Variants in SPDYE5 observed in about 807,000 individuals in gnomAD.
SPDYE5 encodes speedy/RINGO cell cycle regulator family member E5.
SPDYE5 carries 15 observed loss-of-function variants against 48.5 expected under a neutral mutation model. That is an observed-to-expected ratio of 0.31 (90% CI 0.21 to 0.48). SPDYE5 has a LOEUF of 0.48. Among genes scored for constraint, SPDYE5 ranks in the 20% least tolerant of loss-of-function variants. The pLI, the probability that SPDYE5 is intolerant of heterozygous loss-of-function variation, is 0.99. For synonymous variants in SPDYE5, 116 were observed against 200.7 expected (o/e 0.58, Z 3.57); for missense variants, 331 against 549.1 (o/e 0.60, Z 3.97).
intron 2 of SPDYE5, among the ~76,000 whole-genome samples, chr7:75,494,553 C>G (rs1327239601): frequency 1.3e-5 from 2 of 148,578 alleles, no homozygotes; most frequent in African/African-American, 5.0e-5. Context: ...GAAGGGTCAG[C>G]GGTCAGGAAG....
rs782172963 is a variant in SPDYE5 at position 75,501,392 on chromosome 7, C to A, written c.786C>A (p.Asp262Glu). ...LYLANDMEED[D>E]EDSKQNIFHF... is the part of the protein sequence containing the mutation. ...TGGCCAATGACATGGAGGAGGACGA[C>A]GAGGACTCCAAACAAAACATCTTCC... The change falls in exon 7 of 9, where the codon GAC becomes GAA. Residue 262 changes from aspartate to glutamate, a missense_variant. Physicochemically the swap from Asp to Glu is conservative, Grantham distance 45. Coordinates refer to ENST00000625065, the MANE Select transcript of SPDYE5 (RefSeq NM_001306141.4). The A allele has an allele frequency of 5.6e-6, 9 of 1,612,292 alleles. No homozygotes were observed. Among genetic ancestry groups the A allele is most frequent in the Non-Finnish European group, 6.8e-6 (8 of 1,179,966 alleles).
At chr7:75,495,863 A>T (rs1792904951) in intron 3 of SPDYE5, among the ~76,000 whole-genome samples, 1 of 152,020 alleles carries the variant, frequency 6.6e-6, no homozygotes, top group Non-Finnish European at 1.5e-5. Context: ...AATATAGCGA[A>T]ACCTCATTTA....
Position 75,495,479 on chromosome 7 carries a change from G to A in SPDYE5, c.379+105G>A, listed in dbSNP as rs1299454568. 3 of 1,552,322 alleles carry A rather than the reference G, an allele frequency of 1.9e-6. No homozygotes were observed. The East Asian group carries it at 7.2e-5, about 37-fold the overall frequency. On this transcript the variant is annotated intron_variant, in intron 3 of 8. Transcript: ENST00000625065. ...TGGGAAAGATACGCCCCCCGTGGGT[G>A]AGCTCTCCACGCAGGAGGACTCAGA...
chr7:75,492,196 T>C (rs1200853647), upstream of SPDYE5, among the ~76,000 whole-genome samples: 1 of 152,116 alleles, frequency 6.6e-6, no homozygotes, highest in Non-Finnish European at 1.5e-5. Context: ...GATCTTCTAA[T>C]ATTTGAAAGC....
intron 2 of SPDYE5, among the ~76,000 whole-genome samples, chr7:75,494,500 T>G (rs1792851430): frequency 7.4e-6 from 1 of 134,964 alleles, no homozygotes. Context: ...TGAGCTGAGA[T>G]CACGCTACTG....
chr7:75,499,833 G>A (rs1292390540), intron 6 of SPDYE5, among the ~76,000 whole-genome samples: 2 of 73,792 alleles, frequency 2.7e-5, no homozygotes, highest in Middle Eastern at 8.5e-3. Flanking sequence ...ACAAATAAAA[G>A]AATAAAACAA....
chr7:75,503,228 T>C lies in SPDYE5; in HGVS notation c.*441T>C. The C allele has an allele frequency of 3.0e-6, 1 of 337,438 alleles. No homozygotes were observed. The highest frequency in any genetic ancestry group is 1.1e-3 in the Middle Eastern group (1 of 942). 20.9% of individuals were successfully genotyped at this position (337,438 alleles called of 1,614,324 possible). On this transcript the variant is annotated 3_prime_UTR_variant, in exon 9 of 9. Coordinates refer to ENST00000625065, the MANE Select transcript of SPDYE5 (RefSeq NM_001306141.4). ...GGGGCTCAGATTGGCACAGATTTCT[T>C]CTGTGAAATATCAGTGCCACAGATT...
rs1218480762 is a variant in SPDYE5 at position 75,496,673 on chromosome 7, G to A, written c.380-1G>A. ...CACCATGGCCTGGTTTCTTTACTCA[G>A]CCCCTGGGGTAGATCCCAGCCCCCC... On this transcript the variant is annotated splice_acceptor_variant, in intron 3 of 8. Coordinates refer to ENST00000625065, the MANE Select transcript of SPDYE5 (RefSeq NM_001306141.4). LOFTEE classifies it high-confidence loss of function. 1.3e-6 allele frequency: 2 copies of A among 1,596,910 alleles called. No homozygotes were observed. Among genetic ancestry groups the A allele is most frequent in the Admixed American group, 1.7e-5 (1 of 59,958 alleles).
rs3926475 is a variant in SPDYE5, at chr7:75,493,875, G to A, written c.-173G>A. ...CAAACTGGTTGCCAGGTTGGCATGA[G>A]CGATGACATCAGAGATTCCGACCAT... On this transcript the variant is annotated 5_prime_UTR_variant, in exon 2 of 9. Coordinates refer to ENST00000625065, the MANE Select transcript of SPDYE5 (RefSeq NM_001306141.4). The A allele has an allele frequency of 2.6e-4, 377 of 1,443,580 alleles. No individual in the cohort carries two copies. The highest frequency in any genetic ancestry group is 2.7e-4 in the Non-Finnish European group (299 of 1,103,236). The allele number at this position is 1,443,580 out of a possible 1,614,324, so 89.4% of individuals were successfully genotyped here. A position where few individuals can be genotyped will look rare whatever the true frequency, so the allele number is the denominator to read the frequency against.
At position 75,501,434 on chromosome 7, in the gene SPDYE5, G is replaced by A. The variant is rs781855020; in HGVS notation, c.828G>A (p.Lys276=). The A allele has an allele frequency of 1.9e-5, 31 of 1,612,744 alleles. No homozygotes were observed. In the Middle Eastern group the frequency reaches 7.9e-4, roughly 41 times the overall value. The change falls in exon 7 of 9, where the codon AAG becomes AAA. Residue 276 remains lysine (K), a synonymous_variant. Transcript: ENST00000625065. ...KQNIFHFLYG[K]NRSRIPLLRK... ...ACATCTTCCACTTCCTGTATGGGAAGAACCGCTCTCGCATACCCTTGCTCC... is the reference window on the plus strand; with the variant it reads ...ACATCTTCCACTTCCTGTATGGGAAAAACCGCTCTCGCATACCCTTGCTCC...
intron 1 of SPDYE5, among the ~76,000 whole-genome samples, 185 bp downstream of exon 1, chr7:75,492,626 A>C (rs1792776731): frequency 6.6e-6 from 1 of 151,668 alleles, no homozygotes; most frequent in Non-Finnish European, 1.5e-5. Flanking sequence ...TTTAGTAGAG[A>C]TGGGGTTTCA....
chr7:75,498,462 T>C (rs1402234922), intron 5 of SPDYE5, among the ~76,000 whole-genome samples: 1 of 151,460 alleles, frequency 6.6e-6, no homozygotes, highest in Non-Finnish European at 1.5e-5. Context: ...CACAAATTTT[T>C]TTTTTGTGAG....
chr7:75,500,189 C>CCA (rs1331572516), intron 6 of SPDYE5, among the ~76,000 whole-genome samples: 10 of 139,590 alleles, frequency 7.2e-5, no homozygotes, highest in African/African-American at 2.7e-4. Flanking sequence ...AGGCCAGGGT[C>CCA]CACAGTGTCA....
chr7:75,499,498 G>A (rs1793063036), intron 6 of SPDYE5, among the ~76,000 whole-genome samples, 182 bp downstream of exon 6: 1 of 151,872 alleles, frequency 6.6e-6, no homozygotes, highest in African/African-American at 2.4e-5. Flanking sequence ...TGGGCACAGT[G>A]GCATACGCCT....
In SPDYE5 at chr7:75,494,077, G is replaced by A; in HGVS notation, c.30G>A (p.Lys10=). MDRTETRFR[K]RGQITEKITT... ...ACAGAACGGAGACTAGGTTCCGTAAGAGGGGACAGATTACGGAAAAGATCA... is the reference window on the plus strand; with the variant it reads ...ACAGAACGGAGACTAGGTTCCGTAAAAGGGGACAGATTACGGAAAAGATCA... Residue 10 remains lysine (K), a synonymous_variant, in exon 2 of 9, where the codon AAG becomes AAA. Coordinates refer to ENST00000625065, the MANE Select transcript of SPDYE5 (RefSeq NM_001306141.4). 6.5e-7 allele frequency: 1 copy of A among 1,534,372 alleles called. No individual in the cohort carries two copies.
chr7:75,492,962 A>G (rs1554481950), intron 1 of SPDYE5, among the ~76,000 whole-genome samples: 1 of 151,924 alleles, frequency 6.6e-6, no homozygotes, highest in Non-Finnish European at 1.5e-5. Flanking sequence ...CACCTGGCTA[A>G]TTTGGTTTGG....
chr7:75,495,440 C>T, intron 3 of SPDYE5, 66 bp downstream of exon 3: 1 of 1,579,212 alleles, frequency 6.3e-7, no homozygotes, highest in Non-Finnish European at 8.5e-7. Flanking sequence ...CTTCCAATAA[C>T]CACACTTTTC....
chr7:75,501,271 C>T (rs587614875), intron 6 of SPDYE5, 91 bp from the exon 7 acceptor site: 112 of 1,587,086 alleles, frequency 7.1e-5, no homozygotes, highest in Admixed American at 4.4e-4. Context: ...GAGCTAGGGA[C>T]GGTCCCTTAC....
At chr7:75,497,349 C>A (rs1219207531) in intron 4 of SPDYE5, among the ~76,000 whole-genome samples, 1 of 151,448 alleles carries the variant, frequency 6.6e-6, no homozygotes, top group African/African-American at 2.4e-5. Flanking sequence ...AGGAGAATCG[C>A]TTAAACCCGG....
Sources: allele counts gnomAD v4.1 joint callset (sites outside exome capture counted in the v4.1 genomes callset), GRCh38; gene constraint gnomAD v4.1.1; transcripts MANE v1.5; gene names NCBI Gene and HGNC (gene_info 2026-07-23, HGNC 2026-07-21).